Variants in EML4 observed in about 807,000 individuals in gnomAD.
EML4 encodes EMAP like 4, also known as echinoderm microtubule-associated protein-like 4.
Under a neutral mutation model 129.0 loss-of-function variants are expected in EML4, and 72 were observed. The ratio of observed to expected loss-of-function variants is 0.56; its 90% CI spans 0.46 to 0.68. The LOEUF is 0.68. Ranked by LOEUF, EML4 falls within the 30% of genes least tolerant of loss-of-function variation. The pLI is 0.00. For synonymous variants in EML4, 532 were observed against 405.0 expected, an observed-to-expected ratio of 1.31 and a Z score of -3.77; for missense variants, 1,363 against 1,190.6, an observed-to-expected ratio of 1.14 and a Z score of -2.13.
In EML4 at chr2:42,183,067, A is replaced by G. The variant is rs1034474020; in HGVS notation, c.25+13431A>G. On this transcript the variant is annotated intron_variant, in intron 1 of 22. Transcript: ENST00000318522. ...GGTATCAGGAGGCTGAGGTGGGGAG[A>G]TTGCTTGAGCCTGGGAGGTGGAGGT... 3.3e-5 allele frequency among the ~76,000 whole-genome samples: 5 copies of G among 152,170 alleles called. No homozygotes were observed. The South Asian group carries it at 8.3e-4, about 25-fold the overall frequency.
intron 1 of EML4, among the ~76,000 whole-genome samples, chr2:42,215,132 T>G (rs1465860983): frequency 6.6e-6 from 1 of 152,192 alleles, no homozygotes; most frequent in African/African-American, 2.4e-5. Flanking sequence ...TGATTATGGC[T>G]CACCGCAGCT....
intron 1 of EML4, chr2:42,170,332 A>G (rs1167534365): frequency 7.9e-5 from 12 of 152,232 alleles, no homozygotes; most frequent in Admixed American, 7.9e-4. Context: ...ACCCTCTTTA[A>G]GAGTGAAAGC....
At chr2:42,230,684 G>A (rs1332549980) in intron 1 of EML4, among the ~76,000 whole-genome samples, 1 of 152,238 alleles carries the variant, frequency 6.6e-6, no homozygotes, top group Non-Finnish European at 1.5e-5. Context: ...GGGATTACAG[G>A]CGTGAGCCAC....
intron 6 of EML4, among the ~76,000 whole-genome samples, chr2:42,271,506 A>G (rs780070633): frequency 1.6e-4 from 25 of 152,134 alleles, no homozygotes; most frequent in Non-Finnish European, 3.5e-4. Flanking sequence ...AGGCTGTCCA[A>G]TTTTTTAAAA....
chr2:42,207,383 C>A (rs1213748246), intron 1 of EML4, among the ~76,000 whole-genome samples: 1 of 152,058 alleles, frequency 6.6e-6, no homozygotes, highest in African/African-American at 2.4e-5. Flanking sequence ...ATTGGAGTGT[C>A]TTAGGGTTGT....
At chr2:42,300,014 A>G (rs1186107702) in intron 13 of EML4, among the ~76,000 whole-genome samples, 2 of 152,160 alleles carry the variant, frequency 1.3e-5, no homozygotes, top group Admixed American at 1.3e-4. Context: ...TTTAAGATTC[A>G]TCCATGTGGT....
intron 1 of EML4, among the ~76,000 whole-genome samples, chr2:42,218,131 A>T (rs1572563798): frequency 6.6e-6 from 1 of 151,980 alleles, no homozygotes; most frequent in Non-Finnish European, 1.5e-5. Flanking sequence ...GCTCCTCATC[A>T]CTCTCATTAC....
intron 1 of EML4, among the ~76,000 whole-genome samples, chr2:42,218,361 A>G (rs1390182987): frequency 6.6e-6 from 1 of 152,010 alleles, no homozygotes; most frequent in Non-Finnish European, 1.5e-5. Context: ...TGAGCCATAT[A>G]ATTATTTTAT....
intron 1 of EML4, among the ~76,000 whole-genome samples, chr2:42,190,416 C>A (rs1671518672): frequency 6.6e-6 from 1 of 152,034 alleles, no homozygotes; most frequent in Admixed American, 6.6e-5. Context: ...TATGGATGTG[C>A]TTGATGAATG....
In EML4 at chr2:42,171,664, G is replaced by C. The variant is rs569513282; in HGVS notation, c.25+2028G>C. On this transcript the variant is annotated intron_variant, in intron 1 of 22. Transcript: ENST00000318522. ...TGGTATGTGATGAGACTTTCCTTTAGATATGGTGTTAATCAGGAGCAGAGG... is the reference window on the plus strand; with the variant it reads ...TGGTATGTGATGAGACTTTCCTTTACATATGGTGTTAATCAGGAGCAGAGG... Among the ~76,000 whole-genome samples, 12 of 152,294 alleles carry C rather than the reference G, an allele frequency of 7.9e-5. No homozygotes were observed. In the South Asian group the frequency reaches 2.3e-3, roughly 29 times the overall value.
chr2:42,264,585 T>G, intron 5 of EML4, 121 bp from the exon 6 acceptor site: 1 of 664,382 alleles, frequency 1.5e-6, no homozygotes, highest in Non-Finnish European at 2.6e-6. Context: ...TTACTTTCAC[T>G]TCCAGAGATT....
chr2:42,301,152 T>G (rs1183498839), intron 13 of EML4, 89 bp from the exon 14 acceptor site: 1 of 1,128,818 alleles, frequency 8.9e-7, no homozygotes, highest in African/African-American at 1.6e-5. Context: ...GATTATTAAC[T>G]CTAGTTCTAC....
At chr2:42,237,460 T>G (rs1357867829) in intron 1 of EML4, among the ~76,000 whole-genome samples, 2 of 152,206 alleles carry the variant, frequency 1.3e-5, no homozygotes, top group Non-Finnish European at 2.9e-5. Context: ...TTGCCTTTAA[T>G]TCTTTAATCT....
chr2:42,260,437 A>AT (rs1208616145), intron 3 of EML4, among the ~76,000 whole-genome samples: 2 of 152,098 alleles, frequency 1.3e-5, no homozygotes, highest in Admixed American at 6.5e-5. Context: ...AAGTGCTTGG[A>AT]TTACAGGCGT....
At chr2:42,212,109 G>A (rs916576622) in intron 1 of EML4, among the ~76,000 whole-genome samples, 2 of 152,124 alleles carry the variant, frequency 1.3e-5, no homozygotes, top group African/African-American at 2.4e-5. Flanking sequence ...GCCCTCTAAA[G>A]TGTTGGGATT....
intron 1 of EML4, 107 bp downstream of exon 1, chr2:42,169,743 G>C (rs948592943): frequency 7.6e-7 from 1 of 1,312,406 alleles, no homozygotes; most frequent in Non-Finnish European, 1.0e-6. Flanking sequence ...GGGTGGCAGC[G>C]GCTCCACTGC....
At chr2:42,222,058 T>G (rs1673639732) in intron 1 of EML4, among the ~76,000 whole-genome samples, 1 of 152,122 alleles carries the variant, frequency 6.6e-6, no homozygotes, top group African/African-American at 2.4e-5. Context: ...CTCTCCTTAG[T>G]CTTCTCTCTC....
chr2:42,293,945 G>A (rs545747373), intron 11 of EML4, among the ~76,000 whole-genome samples: 4 of 152,196 alleles, frequency 2.6e-5, no homozygotes, highest in South Asian at 2.1e-4. Context: ...TTCCGTACAC[G>A]TAAAGTTCTT....
At chr2:42,212,096 T>C (rs960924056) in intron 1 of EML4, among the ~76,000 whole-genome samples, 3 of 152,176 alleles carry the variant, frequency 2.0e-5, no homozygotes, top group African/African-American at 7.2e-5. Context: ...TCTGCCTGCC[T>C]CAGCCCTCTA....
Sources: allele counts gnomAD v4.1 joint callset (sites outside exome capture counted in the v4.1 genomes callset), GRCh38; gene constraint gnomAD v4.1.1; transcripts MANE v1.5; gene names NCBI Gene and HGNC (gene_info 2026-07-23, HGNC 2026-07-21).